Variants in MPP7 observed in about 807,000 individuals in gnomAD.
MPP7 encodes MAGUK p55 scaffold protein 7.
In MPP7, 60 loss-of-function variants were observed where a neutral mutation model predicts 76.5. The ratio of observed to expected loss-of-function variants is 0.78; its 90% CI spans 0.64 to 0.97. The LOEUF is 0.97. Among genes scored for constraint, MPP7 ranks in the 50% least tolerant of loss-of-function variants. The pLI is 0.00. For synonymous variants in MPP7, 237 were observed against 244.5 expected, an observed-to-expected ratio of 0.97 and a Z score of 0.29; for missense variants, 641 against 694.0, an observed-to-expected ratio of 0.92 and a Z score of 0.86.
At chr10:28,208,318 T>C (rs1317009333) in intron 2 of MPP7, among the ~76,000 whole-genome samples, 1 of 152,122 alleles carries the variant, frequency 6.6e-6, no homozygotes, top group Admixed American at 6.6e-5. Context: ...TACAGATGGT[T>C]TGAGGCTGGC....
chr10:28,306,668 T>TGGAGAGAGAGAG (rs1554869512), upstream of MPP7, among the ~76,000 whole-genome samples: 1 of 148,396 alleles, frequency 6.7e-6, no homozygotes, highest in Non-Finnish European at 1.5e-5. Context: ...GATAGATAGA[T>TGGAGAGAGAGAG]AGAGAGAGAG....
chr10:28,053,952 C>A lies in MPP7; in HGVS notation c.*113G>T. 1 of 810,780 alleles carries A rather than the reference C, an allele frequency of 1.2e-6. No homozygotes were observed. Among genetic ancestry groups the A allele is most frequent in the Non-Finnish European group, 2.0e-6 (1 of 490,872 alleles). 50.2% of individuals were successfully genotyped at this position (810,780 alleles called of 1,614,324 possible). A position where few individuals can be genotyped will look rare whatever the true frequency, so the allele number is the denominator to read the frequency against. ...AAACAAAACCAGCATTCAACTTGAA[C>A]CAAGATTGTACATCTATGACAGTGA... is the stretch of plus-strand genomic sequence containing the variant. On this transcript the variant is annotated 3_prime_UTR_variant, in exon 17 of 17. Transcript: ENST00000683449.
At chr10:28,123,272 T>G (rs922628667) in intron 8 of MPP7, among the ~76,000 whole-genome samples, 9 of 152,104 alleles carry the variant, frequency 5.9e-5, no homozygotes, top group African/African-American at 2.2e-4. Context: ...TTCCAAGGCA[T>G]AAAATAATTT....
intron 2 of MPP7, among the ~76,000 whole-genome samples, chr10:28,225,845 A>AT (rs1197716648): frequency 6.6e-6 from 1 of 152,160 alleles, no homozygotes; most frequent in African/African-American, 2.4e-5. Context: ...TGAATATTAT[A>AT]TTTTTTAAAC....
chr10:28,165,413 A>G lies in MPP7; in HGVS notation c.157-15354T>C, dbSNP rs187987630. ...TAGTGGTGCCCACCTATAATCCCAA[A>G]TTCTCAGGAGTCTTAGGTGGGAGGA... On this transcript the variant is annotated intron_variant, in intron 3 of 16. Coordinates refer to ENST00000683449, the MANE Select transcript of MPP7 (RefSeq NM_001318170.2). Among the ~76,000 whole-genome samples the G allele has an allele frequency of 3.8e-3, 583 of 152,002 alleles. 4 individuals carry two copies. The highest frequency in any genetic ancestry group is 0.014 in the African/African-American group (563 of 41,436).
chr10:28,098,740 T>G (rs907441001), intron 11 of MPP7, among the ~76,000 whole-genome samples: 2 of 151,936 alleles, frequency 1.3e-5, no homozygotes, highest in Admixed American at 1.3e-4. Context: ...ATTATGGTAA[T>G]AGACCAAATT....
At chr10:28,215,101 C>T (rs969186925) in intron 2 of MPP7, among the ~76,000 whole-genome samples, 4 of 152,078 alleles carry the variant, frequency 2.6e-5, no homozygotes, top group Non-Finnish European at 5.9e-5. Flanking sequence ...CATCTCCAGC[C>T]TGAACAATCA....
intron 1 of MPP7, among the ~76,000 whole-genome samples, chr10:28,260,891 T>C (rs754270354): frequency 4.6e-4 from 70 of 152,152 alleles, no homozygotes; most frequent in Non-Finnish European, 8.2e-4. Context: ...TGTGAGTTGA[T>C]TTATTTTATG....
intron 2 of MPP7, among the ~76,000 whole-genome samples, chr10:28,211,460 T>TAG (rs1263544220): frequency 4.1e-4 from 56 of 137,626 alleles, no homozygotes; most frequent in African/African-American, 9.0e-4. Context: ...TATATATATA[T>TAG]ATAGAGAGAG....
chr10:28,181,218 A>G (rs1390421118), intron 3 of MPP7, among the ~76,000 whole-genome samples: 1 of 152,192 alleles, frequency 6.6e-6, no homozygotes, highest in African/African-American at 2.4e-5. Context: ...TAAAGATTTA[A>G]AGTATTTTAC....
chr10:28,253,885 A>C (rs1234985773), intron 1 of MPP7, among the ~76,000 whole-genome samples: 1 of 151,588 alleles, frequency 6.6e-6, no homozygotes, highest in African/African-American at 2.4e-5. Flanking sequence ...AGTCCCAGCT[A>C]CTAGGGAGGC....
At position 28,231,722 on chromosome 10, in the gene MPP7, A is replaced by T. The variant is rs1354373019; in HGVS notation, c.37+6846T>A. ...CTAGAATATTCTTTTAACCTTTAAAATAAATGAATTAGTTACCAAAAATCT... is the reference window on the plus strand; with the variant it reads ...CTAGAATATTCTTTTAACCTTTAAATTAAATGAATTAGTTACCAAAAATCT... On this transcript the variant is annotated intron_variant, in intron 2 of 16. Transcript: ENST00000683449. Among the ~76,000 whole-genome samples, 3 of 152,356 alleles carry T rather than the reference A, an allele frequency of 2.0e-5. No homozygotes were observed. In the East Asian group the frequency reaches 5.8e-4, roughly 29 times the overall value.
At chr10:28,065,788 A>G (rs1851968328) in intron 13 of MPP7, among the ~76,000 whole-genome samples, 1 of 152,170 alleles carries the variant, frequency 6.6e-6, no homozygotes, top group Non-Finnish European at 1.5e-5. Context: ...TAGAACATGG[A>G]TGCTTTAAAA....
chr10:28,272,255 T>C (rs1589013390), intron 1 of MPP7, among the ~76,000 whole-genome samples: 1 of 152,200 alleles, frequency 6.6e-6, no homozygotes, highest in African/African-American at 2.4e-5. Context: ...AGTTTCTTCC[T>C]GTTACATAAA....
intron 3 of MPP7, among the ~76,000 whole-genome samples, chr10:28,189,570 CAAAAAAAAAAAAAAAAA>C (rs59436299): frequency 1.4e-5 from 1 of 69,520 alleles, no homozygotes; most frequent in African/African-American, 4.8e-5. Flanking sequence ...GACCCTGTCT[CAAAAAAAAAAAAAAAAA>C]AAAAAAAAAA....
At chr10:28,229,713 C>T (rs889497216) in intron 2 of MPP7, among the ~76,000 whole-genome samples, 2 of 152,008 alleles carry the variant, frequency 1.3e-5, no homozygotes, top group African/African-American at 4.8e-5. Flanking sequence ...CACAGTGAAA[C>T]CCCGTCTCTA....
In MPP7 at chr10:28,052,644, G is replaced by A. The variant is rs1363084772; in HGVS notation, c.*1421C>T. On this transcript the variant is annotated 3_prime_UTR_variant, in exon 17 of 17. Coordinates refer to ENST00000683449, the MANE Select transcript of MPP7 (RefSeq NM_001318170.2). The stretch of plus-strand genomic sequence containing the variant: ...ATTAGGACATCTTGACATACAATCA[G>A]TTTATTTTATGAATAGCCCCGTTTG... 1 of 152,400 alleles carries A rather than the reference G, an allele frequency of 6.6e-6. No individual in the cohort carries two copies. The highest frequency in any genetic ancestry group is 1.9e-4 in the East Asian group (1 of 5,192). 9.4% of individuals were successfully genotyped at this position (152,400 alleles called of 1,614,324 possible).
intron 3 of MPP7, among the ~76,000 whole-genome samples, chr10:28,188,493 T>C (rs1837306858): frequency 6.6e-6 from 1 of 152,140 alleles, no homozygotes; most frequent in South Asian, 2.1e-4. Context: ...GACAAAGGAC[T>C]TTTCCATTTG....
At chr10:28,290,377 C>T (rs1420001792) in intron 1 of MPP7, among the ~76,000 whole-genome samples, 1 of 147,694 alleles carries the variant, frequency 6.8e-6, no homozygotes, top group African/African-American at 2.5e-5. Flanking sequence ...ACTTCTTGAA[C>T]TTCTTACCTA....
Sources: allele counts gnomAD v4.1 joint callset (sites outside exome capture counted in the v4.1 genomes callset), GRCh38; gene constraint gnomAD v4.1.1; transcripts MANE v1.5; gene names NCBI Gene and HGNC (gene_info 2026-07-23, HGNC 2026-07-21).